The following EPS8 variants were observed in gnomAD, a reference collection of about 807,000 sequenced individuals.
EPS8 encodes the protein epidermal growth factor receptor kinase substrate 8.
In EPS8, 42 loss-of-function variants were observed where a neutral mutation model predicts 103.8. That is an observed-to-expected ratio of 0.40 (90% CI 0.32 to 0.52). The LOEUF (loss-of-function observed/expected upper bound fraction) is 0.52, where lower values mean the gene tolerates loss of function less well. Ranked by LOEUF, EPS8 falls within the 20% of genes least tolerant of loss-of-function variation. EPS8 has a pLI of 0.40. For synonymous variants in EPS8, 344 were observed against 344.6 expected, an observed-to-expected ratio of 1.00 and a Z score of 0.02; for missense variants, 969 against 1,005.1, an observed-to-expected ratio of 0.96 and a Z score of 0.49.
rs1041147685 is a variant in EPS8, at chr12:15,696,293, A to G, written c.-21-13321T>C. ...AAGACAGTAGGGATGAAGAAACACA[A>G]AAATAAAACAGTAAAATCTATAAAA... On this transcript the variant is annotated intron_variant, in intron 1 of 20. Transcript: ENST00000281172. This position sits in a 1 kb window ranked among gnomAD's most constrained non-coding sequence, Gnocchi z 4.8. 6.6e-6 allele frequency among the ~76,000 whole-genome samples: 1 copy of G among 152,274 alleles called. No individual in the cohort carries two copies. The highest frequency in any genetic ancestry group is 2.1e-4 in the South Asian group (1 of 4,816).
At position 15,658,538 on chromosome 12, in the gene EPS8, G is replaced by A. The variant is rs1270976364; in HGVS notation, c.985C>T (p.Leu329Phe). 1 of 1,613,050 alleles carries A rather than the reference G, an allele frequency of 6.2e-7. No homozygotes were observed. Among genetic ancestry groups the A allele is most frequent in the Non-Finnish European group, 8.5e-7 (1 of 1,179,296 alleles). The part of the protein sequence containing the change: ...RAKPPPPDEF[L>F]DCFQKFKHGF... ...TGTTTAAACTTTTGGAAACAGTCAA[G>A]AAATTCATCAGGAGGTGGAGGTTTT... is the stretch of plus-strand genomic sequence containing the variant. The change falls in exon 11 of 21, where the codon CTT becomes TTT. Residue 329 changes from leucine to phenylalanine, a missense_variant. Leu to Phe is a conservative substitution (Grantham distance 22). Transcript: ENST00000281172.
rs1376137156 is a variant in EPS8 at position 15,681,243 on chromosome 12, C to T, written c.119G>A (p.Ser40Asn). Residue 40 changes from serine (S) to asparagine (N), a missense_variant, in exon 3 of 21, where the codon AGT (serine) becomes AAT (asparagine). Transcript: ENST00000281172. Reference protein sequence around the residue: ...QTDREHGSKTSAKALYEQRKN... With the variant: ...QTDREHGSKTNAKALYEQRKN... ...AAACCTACCATAAAGGGCCTTTGCA[C>T]TTGTTTTTGAACCATGTTCTCTGTC... 3 of 1,568,734 alleles carry T rather than the reference C, an allele frequency of 1.9e-6. No individual in the cohort carries two copies. Among genetic ancestry groups the T allele is most frequent in the South Asian group, 2.4e-5 (2 of 84,530 alleles).
intron 3 of EPS8, among the ~76,000 whole-genome samples, chr12:15,671,271 A>T (rs1945812482): frequency 6.6e-6 from 1 of 152,136 alleles, no homozygotes; most frequent in African/African-American, 2.4e-5. Context: ...TGGCTTATAA[A>T]TTTCATCTGT....
intron 6 of EPS8, 107 bp from the exon 7 acceptor site, chr12:15,666,629 T>G: frequency 1.4e-6 from 1 of 737,732 alleles, no homozygotes; most frequent in Middle Eastern, 2.4e-4. Context: ...AGTAAGTATC[T>G]TGATGTAAAA....
intron 1 of EPS8, among the ~76,000 whole-genome samples, chr12:15,765,034 T>C (rs1445138578): frequency 6.6e-6 from 1 of 152,236 alleles, no homozygotes; most frequent in Non-Finnish European, 1.5e-5. Context: ...CAGGTTATAA[T>C]TGACCTTAGA....
At chr12:15,783,353 T>A (rs951421744) in intron 1 of EPS8, among the ~76,000 whole-genome samples, 4 of 152,146 alleles carry the variant, frequency 2.6e-5, no homozygotes, top group African/African-American at 9.7e-5. Flanking sequence ...AGGCTTCCAG[T>A]CAACAGAAGG....
chr12:15,745,232 A>G lies in EPS8; in HGVS notation c.-22+43929T>C, dbSNP rs1416605071. On this transcript the variant is annotated intron_variant, in intron 1 of 20. Transcript: ENST00000281172. The surrounding 1 kb of genome is among the most constrained non-coding windows in gnomAD (Gnocchi z 4.6). ...GTTTCAAAGAAATGAGTATAAAAGA[A>G]CACTTTACAACCTAACTGCTTATTA... 6.6e-6 allele frequency among the ~76,000 whole-genome samples: 1 copy of G among 152,204 alleles called. No homozygotes were observed. Among genetic ancestry groups the G allele is most frequent in the Non-Finnish European group, 1.5e-5 (1 of 68,032 alleles).
intron 8 of EPS8, among the ~76,000 whole-genome samples, chr12:15,664,682 A>T (rs376792833): frequency 1.3e-5 from 2 of 152,194 alleles, no homozygotes; most frequent in African/African-American, 4.8e-5. Context: ...TATATCGTTT[A>T]ACTATAGTGC....
At position 15,693,665 on chromosome 12, in the gene EPS8, G is replaced by T. The variant is rs1946203866; in HGVS notation, c.-21-10693C>A. 6.6e-6 allele frequency among the ~76,000 whole-genome samples: 1 copy of T among 152,128 alleles called. No homozygotes were observed. The highest frequency in any genetic ancestry group is 1.5e-5 in the Non-Finnish European group (1 of 68,022). On this transcript the variant is annotated intron_variant, in intron 1 of 20. Transcript: ENST00000281172. The surrounding 1 kb of genome is among the most constrained non-coding windows in gnomAD (Gnocchi z 5.6). Reference sequence around the variant, plus strand: ...AATCCCTTTACTGTTATTTTATTTGGAGGAAGTGAAATAAATGCATATACC... The same window carrying T: ...AATCCCTTTACTGTTATTTTATTTGTAGGAAGTGAAATAAATGCATATACC...
chr12:15,755,104 A>G (rs988457400), intron 1 of EPS8, among the ~76,000 whole-genome samples: 4 of 152,134 alleles, frequency 2.6e-5, no homozygotes, highest in African/African-American at 7.2e-5. Flanking sequence ...TACAGATTAC[A>G]TCTACCAAAG....
Position 15,621,119 on chromosome 12 carries a change from A to T in EPS8, c.*198T>A. On this transcript the variant is annotated 3_prime_UTR_variant, in exon 21 of 21. Transcript: ENST00000281172. Reference sequence around the variant, plus strand: ...AATATTTTCCAAGGTCAAAAAATTCAGTTTAAATTTTTTCAGTTTTAATAA... The same window carrying T: ...AATATTTTCCAAGGTCAAAAAATTCTGTTTAAATTTTTTCAGTTTTAATAA... 2 of 433,618 alleles carry T rather than the reference A, an allele frequency of 4.6e-6. No individual in the cohort carries two copies. The highest frequency in any genetic ancestry group is 8.0e-6 in the Non-Finnish European group (2 of 249,178). The allele number at this position is 433,618 out of a possible 1,614,324, so 26.9% of individuals were successfully genotyped here.
In EPS8 at chr12:15,706,122, T is replaced by C. The variant is rs778703394; in HGVS notation, c.-21-23150A>G. On this transcript the variant is annotated intron_variant, in intron 1 of 20. Coordinates refer to ENST00000281172, the MANE Select transcript of EPS8 (RefSeq NM_004447.6). The surrounding 1 kb of genome is among the most constrained non-coding windows in gnomAD (Gnocchi z 5.2). ...TCTCCTCACCTAAGGTTACTCTCTC[T>C]AATTCTGCAAACCAGTATGGTAAAC... Among the ~76,000 whole-genome samples, 16 of 152,206 alleles carry C rather than the reference T, an allele frequency of 1.1e-4. No homozygotes were observed. Among genetic ancestry groups the C allele is most frequent in the Non-Finnish European group, 1.9e-4 (13 of 68,044 alleles).
Position 15,736,760 on chromosome 12 carries a change from A to G in EPS8, c.-22+52401T>C, listed in dbSNP as rs550336027. The stretch of plus-strand genomic sequence containing the variant: ...GATGCAAAGAAAAAATGCATAAGGC[A>G]TCCTCAGAGTATGTGATATAGAACC... On this transcript the variant is annotated intron_variant, in intron 1 of 20. Coordinates refer to ENST00000281172, the MANE Select transcript of EPS8 (RefSeq NM_004447.6). This position sits in a 1 kb window ranked among gnomAD's most constrained non-coding sequence, Gnocchi z 4.2. 8.5e-5 allele frequency among the ~76,000 whole-genome samples: 13 copies of G among 152,296 alleles called. No homozygotes were observed. The highest frequency in any genetic ancestry group is 5.9e-4 in the Admixed American group (9 of 15,298).
chr12:15,703,843 A>ATTT (rs1946345365), intron 1 of EPS8, among the ~76,000 whole-genome samples: 16 of 50,496 alleles, frequency 3.2e-4, no homozygotes, highest in South Asian at 3.0e-3. Flanking sequence ...TGCTCTATGT[A>ATTT]TTTGTTTTTT....
chr12:15,680,138 A>C (rs369715102), intron 3 of EPS8, among the ~76,000 whole-genome samples: 1 of 152,354 alleles, frequency 6.6e-6, no homozygotes, highest in African/African-American at 2.4e-5. Context: ...AAGTATAGGC[A>C]TGTATGGTAT....
At chr12:15,644,622 C>T (rs1322645571) in intron 15 of EPS8, among the ~76,000 whole-genome samples, 3 of 151,458 alleles carry the variant, frequency 2.0e-5, no homozygotes, top group South Asian at 2.1e-4. Flanking sequence ...GGCGTGAACC[C>T]GGGAGGCCGA....
rs1042313032 is a variant in EPS8 at position 15,714,450 on chromosome 12, TG to T, written c.-21-31479del. On this transcript the variant is annotated intron_variant, in intron 1 of 20. Transcript: ENST00000281172. The surrounding 1 kb of genome is among the most constrained non-coding windows in gnomAD (Gnocchi z 4.1). Reference sequence around the variant, plus strand: ...TGAGTCCAGGAAGTCAAGAGCAGCCTGGGCAACATACCAAGACCCCATCTCC... The same window carrying T: ...TGAGTCCAGGAAGTCAAGAGCAGCCTGGCAACATACCAAGACCCCATCTCC... Among the ~76,000 whole-genome samples, 3 of 152,116 alleles carry T rather than the reference TG, an allele frequency of 2.0e-5. No homozygotes were observed. Among genetic ancestry groups the T allele is most frequent in the Non-Finnish European group, 4.4e-5 (3 of 68,014 alleles).
At chr12:15,765,974 C>G (rs1947090737) in intron 1 of EPS8, among the ~76,000 whole-genome samples, 1 of 151,536 alleles carries the variant, frequency 6.6e-6, no homozygotes. Flanking sequence ...CCACCATACC[C>G]AGCTAATGTT....
In EPS8 at chr12:15,787,671, A is replaced by T. The variant is rs1947324407; in HGVS notation, c.-22+1490T>A. ...ATTTTCCTTCTTTTTTTTCTGCTATAAAGTGAATGACTTGTGGTGCAATCT... is the reference window on the plus strand; with the variant it reads ...ATTTTCCTTCTTTTTTTTCTGCTATTAAGTGAATGACTTGTGGTGCAATCT... On this transcript the variant is annotated intron_variant, in intron 1 of 20. Coordinates refer to ENST00000281172, the MANE Select transcript of EPS8 (RefSeq NM_004447.6). This position sits in a 1 kb window ranked among gnomAD's most constrained non-coding sequence, Gnocchi z 4.9. Among the ~76,000 whole-genome samples, 1 of 152,186 alleles carries T rather than the reference A, an allele frequency of 6.6e-6. No individual in the cohort carries two copies. Among genetic ancestry groups the T allele is most frequent in the Non-Finnish European group, 1.5e-5 (1 of 68,006 alleles).
Sources: allele counts gnomAD v4.1 joint callset (sites outside exome capture counted in the v4.1 genomes callset), GRCh38; gene constraint gnomAD v4.1.1; non-coding constraint Gnocchi (gnomAD v3.1); transcripts MANE v1.5; gene names NCBI Gene and HGNC (gene_info 2026-07-23, HGNC 2026-07-21).